TNFAIP3: variants seen among roughly 807,000 people sequenced by gnomAD.
The protein encoded by TNFAIP3 is tumor necrosis factor alpha-induced protein 3.
TNFAIP3 carries 9 observed loss-of-function variants against 72.4 expected under a neutral mutation model. That is an observed-to-expected ratio of 0.12 (90% CI 0.07 to 0.22). TNFAIP3 has a LOEUF of 0.22. TNFAIP3 is among the 10% of genes least tolerant of loss of function. TNFAIP3 has a pLI of 1.00. For synonymous variants in TNFAIP3, 339 were observed against 372.6 expected (o/e 0.91, Z 1.04); for missense variants, 833 against 1,018.7 (o/e 0.82, Z 2.48).
At chr6:137,875,111 C>T in intron 3 of TNFAIP3, 76 bp downstream of exon 3, 1 of 1,535,432 alleles carries the variant, frequency 6.5e-7, no homozygotes, top group Non-Finnish European at 8.9e-7. Flanking sequence ...AGTCCCTGCC[C>T]TCTGGTAGCA....
chr6:137,878,731 G>T lies in TNFAIP3; in HGVS notation c.1286G>T (p.Gly429Val). The T allele has an allele frequency of 6.2e-7, 1 of 1,614,080 alleles. No individual in the cohort carries two copies. The highest frequency in any genetic ancestry group is 8.5e-7 in the Non-Finnish European group (1 of 1,180,026). ...PKLNSKPGPE[G>V]LPGMALGASR... is the part of the protein sequence containing the mutation. ...CTGAACTCCAAGCCGGGCCCTGAGG[G>T]GCTCCCTGGCATGGCGCTCGGGGCC... Residue 429 changes from glycine to valine, a missense_variant, in exon 7 of 9, where the codon GGG (glycine) becomes GTG (valine). Gly to Val is a moderately radical substitution (Grantham distance 109, BLOSUM62 -3). Coordinates refer to ENST00000612899, the MANE Select transcript of TNFAIP3 (RefSeq NM_001270508.2).
At chr6:137,879,627 A>G (rs1776381886) in intron 7 of TNFAIP3, among the ~76,000 whole-genome samples, 1 of 152,212 alleles carries the variant, frequency 6.6e-6, no homozygotes, top group African/African-American at 2.4e-5. Context: ...TTACTAGACC[A>G]TTCAGGTCTG....
chr6:137,878,821 C>G lies in TNFAIP3; in HGVS notation c.1376C>G (p.Ser459Trp). ...GAGGAGTCCACTGGGGGGCCTCATT[C>G]GGCCCCACCGACAGCACCCAGCCCT... Reference protein sequence around the residue: ...NPEESTGGPHSAPPTAPSPFL... With the variant: ...NPEESTGGPHWAPPTAPSPFL... Residue 459 changes from serine (S) to tryptophan (W), a missense_variant, in exon 7 of 9, where the codon TCG becomes TGG. Physicochemically the swap from Ser to Trp is radical, Grantham distance 177 (BLOSUM62 -3). Coordinates refer to ENST00000612899, the MANE Select transcript of TNFAIP3 (RefSeq NM_001270508.2). 1 of 1,614,106 alleles carries G rather than the reference C, an allele frequency of 6.2e-7. No homozygotes were observed. The highest frequency in any genetic ancestry group is 8.5e-7 in the Non-Finnish European group (1 of 1,180,038).
At chr6:137,879,482 G>A (rs1437000208) in intron 7 of TNFAIP3, 131 bp downstream of exon 7, 1 of 1,110,244 alleles carries the variant, frequency 9.0e-7, no homozygotes, top group African/African-American at 1.6e-5. Context: ...TTTTCTACCA[G>A]CTTGTGCAGG....
chr6:137,880,302 T>C, intron 8 of TNFAIP3, 50 bp downstream of exon 8: 1 of 1,601,460 alleles, frequency 6.2e-7, no homozygotes, highest in Non-Finnish European at 8.5e-7. Context: ...TCGATGCTTT[T>C]TGCTGGAGCG....
chr6:137,880,028 G>A, intron 7 of TNFAIP3, 43 bp from the exon 8 acceptor site: 1 of 1,583,016 alleles, frequency 6.3e-7, no homozygotes, highest in Non-Finnish European at 8.7e-7. Context: ...GTATCGGTGG[G>A]GTGACCCCTA....
intron 6 of TNFAIP3, among the ~76,000 whole-genome samples, chr6:137,878,101 G>A (rs1776311211): frequency 6.6e-6 from 1 of 152,200 alleles, no homozygotes; most frequent in Non-Finnish European, 1.5e-5. Context: ...TGAGAAATTG[G>A]AAAGTCAACT....
At position 137,882,251 on chromosome 6, in the gene TNFAIP3, T is replaced by G. The variant is rs191520762; in HGVS notation, c.*932T>G. 1.2e-4 allele frequency: 27 copies of G among 232,312 alleles called. No homozygotes were observed. In the East Asian group the frequency reaches 1.6e-3, roughly 14 times the overall value. The allele number at this position is 232,312 out of a possible 1,614,324, so 14.4% of individuals were successfully genotyped here. ...TGAGCTTGTGTATACACTGCTTGCATAAACTCAACCAGCTGCCTTTTTAAA... is the reference window on the plus strand; with the variant it reads ...TGAGCTTGTGTATACACTGCTTGCAGAAACTCAACCAGCTGCCTTTTTAAA... On this transcript the variant is annotated 3_prime_UTR_variant, in exon 9 of 9. Coordinates refer to ENST00000612899, the MANE Select transcript of TNFAIP3 (RefSeq NM_001270508.2).
chr6:137,882,471 G>T lies in TNFAIP3; in HGVS notation c.*1152G>T, dbSNP rs1161944510. On this transcript the variant is annotated 3_prime_UTR_variant, in exon 9 of 9. Coordinates refer to ENST00000612899, the MANE Select transcript of TNFAIP3 (RefSeq NM_001270508.2). ...AAATTGGCCTCTTTGATACACTTTT[G>T]CTTGCCTCCCCAGGAAAGAAGGAAT... is the stretch of plus-strand genomic sequence containing the variant. 5 of 232,720 alleles carry T rather than the reference G, an allele frequency of 2.1e-5. No individual in the cohort carries two copies. The highest frequency in any genetic ancestry group is 4.2e-5 in the Non-Finnish European group (5 of 117,740). The allele number at this position is 232,720 out of a possible 1,614,324, so 14.4% of individuals were successfully genotyped here. A position where few individuals can be genotyped will look rare whatever the true frequency, so the allele number is the denominator to read the frequency against.
Position 137,881,412 on chromosome 6 carries a change from A to T in TNFAIP3, c.*93A>T. 1.7e-6 allele frequency: 2 copies of T among 1,165,882 alleles called. No homozygotes were observed. Among genetic ancestry groups the T allele is most frequent in the Non-Finnish European group, 2.4e-6 (2 of 819,544 alleles). 72.2% of individuals were successfully genotyped at this position (1,165,882 alleles called of 1,614,324 possible). A position where few individuals can be genotyped will look rare whatever the true frequency, so the allele number is the denominator to read the frequency against. On this transcript the variant is annotated 3_prime_UTR_variant, in exon 9 of 9. Coordinates refer to ENST00000612899, the MANE Select transcript of TNFAIP3 (RefSeq NM_001270508.2). This position sits in a 1 kb window ranked among gnomAD's most constrained non-coding sequence, Gnocchi z 5.0. ...CTCTGAACCCCTCAGCTGCCACTGC[A>T]ACAGTGGGCTTAAGGGTGTCTGAGC... is the stretch of plus-strand genomic sequence containing the variant.
In TNFAIP3 at chr6:137,867,347, C is replaced by G. The variant is rs1455702192; in HGVS notation, c.-211C>G. ...GCGGCCGCCAAGAGAGATCACACCC[C>G]CAGCCGACCCTGCCAGCGAGCGAGC... On this transcript the variant is annotated 5_prime_UTR_variant, in exon 1 of 9. Transcript: ENST00000612899. This position sits in a 1 kb window ranked among gnomAD's most constrained non-coding sequence, Gnocchi z 6.0. 1 of 152,528 alleles carries G rather than the reference C, an allele frequency of 6.6e-6. No homozygotes were observed. Among genetic ancestry groups the G allele is most frequent in the African/African-American group, 2.4e-5 (1 of 41,462 alleles). 9.4% of individuals were successfully genotyped at this position (152,528 alleles called of 1,614,324 possible).
rs1776069346 is a variant in TNFAIP3 at position 137,871,644 on chromosome 6, G to A, written c.295+122G>A. The stretch of plus-strand genomic sequence containing the variant: ...AATCAATCTTGAGATTTAGTATTGA[G>A]ACCTTTATATAGAATCTCTATTCGG... On this transcript the variant is annotated intron_variant, in intron 2 of 8. Transcript: ENST00000612899. This position sits in a 1 kb window ranked among gnomAD's most constrained non-coding sequence, Gnocchi z 4.2. The A allele has an allele frequency of 1.9e-6, 2 of 1,075,028 alleles. No individual in the cohort carries two copies. Among genetic ancestry groups the A allele is most frequent in the Non-Finnish European group, 2.7e-6 (2 of 748,286 alleles). 66.6% of individuals were successfully genotyped at this position (1,075,028 alleles called of 1,614,324 possible). A position where few individuals can be genotyped will look rare whatever the true frequency, so the allele number is the denominator to read the frequency against.
chr6:137,877,189 T>A lies in TNFAIP3; in HGVS notation c.919T>A (p.Leu307Ile). Reference sequence around the variant, plus strand: ...GAAGGAGAAGCTCTTAAAAGAGTACTTAATGGTGATAGAAATCCCCGTCCA... The same window carrying A: ...GAAGGAGAAGCTCTTAAAAGAGTACATAATGGTGATAGAAATCCCCGTCCA... ...EMKEKLLKEYLMVIEIPVQGW... is the reference protein window; with the variant it reads ...EMKEKLLKEYIMVIEIPVQGW... Residue 307 changes from leucine to isoleucine, a missense_variant, in exon 6 of 9, where the codon TTA becomes ATA. Coordinates refer to ENST00000612899, the MANE Select transcript of TNFAIP3 (RefSeq NM_001270508.2). The A allele has an allele frequency of 3.1e-6, 5 of 1,613,952 alleles. No homozygotes were observed. Among genetic ancestry groups the A allele is most frequent in the Non-Finnish European group, 4.2e-6 (5 of 1,179,940 alleles).
Position 137,882,137 on chromosome 6 carries a change from AT to A in TNFAIP3, c.*825del, listed in dbSNP as rs1234825334. On this transcript the variant is annotated 3_prime_UTR_variant, in exon 9 of 9. Coordinates refer to ENST00000612899, the MANE Select transcript of TNFAIP3 (RefSeq NM_001270508.2). ...TATACCCTTACATTATGTATGAGGG[AT>A]TTTTTTAAATTATATTGAAATGCTG... is the stretch of plus-strand genomic sequence containing the variant. 4.3e-6 allele frequency: 1 copy of A among 231,162 alleles called. No individual in the cohort carries two copies. Among genetic ancestry groups the A allele is most frequent in the African/African-American group, 2.2e-5 (1 of 45,204 alleles). The allele number at this position is 231,162 out of a possible 1,614,324, so 14.3% of individuals were successfully genotyped here.
At position 137,882,128 on chromosome 6, in the gene TNFAIP3, G is replaced by A. The variant is rs906376168; in HGVS notation, c.*809G>A. The A allele has an allele frequency of 8.7e-6, 2 of 231,156 alleles. No homozygotes were observed. The highest frequency in any genetic ancestry group is 1.7e-5 in the Non-Finnish European group (2 of 116,798). The allele number at this position is 231,156 out of a possible 1,614,324, so 14.3% of individuals were successfully genotyped here. ...CATATATAATATACCCTTACATTAT[G>A]TATGAGGGATTTTTTTAAATTATAT... On this transcript the variant is annotated 3_prime_UTR_variant, in exon 9 of 9. Transcript: ENST00000612899.
chr6:137,878,716 A>G lies in TNFAIP3; in HGVS notation c.1271A>G (p.Lys424Arg). The change falls in exon 7 of 9, where the codon AAG (lysine) becomes AGG (arginine). Residue 424 changes from lysine to arginine, a missense_variant. Around this residue, in one of 2 missense-constraint regions of TNFAIP3, gnomAD observed 587 missense variants for 657.8 expected, o/e 0.89. Coordinates refer to ENST00000612899, the MANE Select transcript of TNFAIP3 (RefSeq NM_001270508.2). ...AACAAACTCCCAAAGCTGAACTCCA[A>G]GCCGGGCCCTGAGGGGCTCCCTGGC... is the stretch of plus-strand genomic sequence containing the variant. The part of the protein sequence containing the change: ...NQNKLPKLNS[K>R]PGPEGLPGMA... 2 of 1,614,082 alleles carry G rather than the reference A, an allele frequency of 1.2e-6. No homozygotes were observed. Among genetic ancestry groups the G allele is most frequent in the Non-Finnish European group, 1.7e-6 (2 of 1,180,022 alleles).
rs753087450 is a variant in TNFAIP3, at chr6:137,875,645, T to A, written c.487-43T>A. 1.9e-6 allele frequency: 3 copies of A among 1,609,928 alleles called. No individual in the cohort carries two copies. In the Admixed American group the frequency reaches 5.0e-5, roughly 27 times the overall value. The stretch of plus-strand genomic sequence containing the variant: ...CAGAATGACTTTTTAGTACAGGGAG[T>A]ACAGGATACATTCAAGCTTTTTTTT... On this transcript the variant is annotated intron_variant, in intron 3 of 8. Coordinates refer to ENST00000612899, the MANE Select transcript of TNFAIP3 (RefSeq NM_001270508.2).
rs1776077637 is a variant in TNFAIP3, at chr6:137,871,932, A to G, written c.295+410A>G. ...GGTAGTACATTTGTTTCCCACTGTCATTAGAAAATGCTTGTGATGTTCTTA... is the reference window on the plus strand; with the variant it reads ...GGTAGTACATTTGTTTCCCACTGTCGTTAGAAAATGCTTGTGATGTTCTTA... On this transcript the variant is annotated intron_variant, in intron 2 of 8. Transcript: ENST00000612899. This position sits in a 1 kb window ranked among gnomAD's most constrained non-coding sequence, Gnocchi z 4.2. 1.3e-5 allele frequency among the ~76,000 whole-genome samples: 2 copies of G among 152,228 alleles called. No individual in the cohort carries two copies. The highest frequency in any genetic ancestry group is 4.8e-5 in the African/African-American group (2 of 41,466).
chr6:137,881,652 G>A lies in TNFAIP3; in HGVS notation c.*333G>A, dbSNP rs890522349. On this transcript the variant is annotated 3_prime_UTR_variant, in exon 9 of 9. Coordinates refer to ENST00000612899, the MANE Select transcript of TNFAIP3 (RefSeq NM_001270508.2). This position sits in a 1 kb window ranked among gnomAD's most constrained non-coding sequence, Gnocchi z 5.0. Reference sequence around the variant, plus strand: ...ACTGGCCGAGGCCCCTGCACCCTGCGCATCAGGACTGCTTCATCGTCTTGG... The same window carrying A: ...ACTGGCCGAGGCCCCTGCACCCTGCACATCAGGACTGCTTCATCGTCTTGG... 4.0e-5 allele frequency: 12 copies of A among 296,510 alleles called. No individual in the cohort carries two copies. The highest frequency in any genetic ancestry group is 6.3e-5 in the African/African-American group (3 of 47,262). The allele number at this position is 296,510 out of a possible 1,614,324, so 18.4% of individuals were successfully genotyped here.
Sources: gnomAD v4.1 joint callset for allele counts (sites outside exome capture counted in the v4.1 genomes callset) on GRCh38, gnomAD v4.1.1 for gene constraint, gnomAD v4.1.1 regional missense constraint, Gnocchi (gnomAD v3.1) non-coding constraint, MANE v1.5 for transcripts, NCBI Gene and HGNC (gene_info 2026-07-23, HGNC 2026-07-21) for gene names.